Variants in ARHGEF9 observed in about 807,000 individuals in gnomAD.
ARHGEF9 encodes the protein Cdc42 guanine nucleotide exchange factor 9, also known as rho guanine nucleotide exchange factor 9.
In ARHGEF9, 2 loss-of-function variants were observed where a neutral mutation model predicts 41.3. The observed-to-expected ratio is 0.05, with a 90% CI of 0.02 to 0.15. The LOEUF is 0.15. Ranked by LOEUF, ARHGEF9 falls within the 10% of genes least tolerant of loss-of-function variation. The pLI, the probability that ARHGEF9 is intolerant of heterozygous loss-of-function variation, is 1.00. For missense variants in ARHGEF9, 225 were observed against 424.7 expected (o/e 0.53, Z 4.13); for synonymous variants, 160 against 154.4 (o/e 1.04, Z -0.27).
chrX:63,740,851 A>G (rs1423794515), intron 1 of ARHGEF9, among the ~76,000 whole-genome samples: 2 of 111,604 alleles, frequency 1.8e-5, no homozygotes, highest in African/African-American at 3.3e-5. Context: ...GAGGAACTCT[A>G]AAAATAGCAG....
In ARHGEF9 at chrX:63,698,584, C is replaced by A. The variant is rs192799021; in HGVS notation, c.403-1280G>T. On this transcript the variant is annotated intron_variant, in intron 3 of 9. Transcript: ENST00000671741. ...AAGAGTTTTACAGGGACTGATTTAC[C>A]ACATATAGCCCTGTCCCTATCCTCG... Among the ~76,000 whole-genome samples the A allele has an allele frequency of 4.1e-4, 45 of 111,041 alleles. 1 individual carries two copies. The highest frequency in any genetic ancestry group is 1.4e-3 in the African/African-American group (42 of 30,535).
Position 63,785,205 on chromosome X carries a change from G to A in ARHGEF9, c.-60C>T. ...TAGCTGGCGCGAGTTGTCGCGGGCTGACTAGAAGGGCTGGGCTGAAGCAAG... is the reference window on the plus strand; with the variant it reads ...TAGCTGGCGCGAGTTGTCGCGGGCTAACTAGAAGGGCTGGGCTGAAGCAAG... On this transcript the variant is annotated 5_prime_UTR_variant, in exon 1 of 10. Transcript: ENST00000671741. 1 of 1,124,862 alleles carries A rather than the reference G, an allele frequency of 8.9e-7. No homozygotes were observed. Among genetic ancestry groups the A allele is most frequent in the South Asian group, 2.0e-5 (1 of 49,547 alleles). The allele number at this position is 1,124,862 out of a possible 1,213,427, so 92.7% of individuals were successfully genotyped here. A position where few individuals can be genotyped will look rare whatever the true frequency, so the allele number is the denominator to read the frequency against.
intron 3 of ARHGEF9, among the ~76,000 whole-genome samples, chrX:63,705,319 CAG>C (rs1602484773): frequency 9.3e-6 from 1 of 107,501 alleles, no homozygotes; most frequent in African/African-American, 3.4e-5. Flanking sequence ...AGATTCAATG[CAG>C]AGTTTTCCGA....
rs1453134306 is a variant in ARHGEF9 at position 63,636,930 on chromosome X, G to A, written c.*1098C>T. 2 of 295,356 alleles carry A rather than the reference G, an allele frequency of 6.8e-6. No individual in the cohort carries two copies. The highest frequency in any genetic ancestry group is 9.6e-5 in the East Asian group (2 of 20,939). The allele number at this position is 295,356 out of a possible 1,213,427, so 24.3% of individuals were successfully genotyped here. A position where few individuals can be genotyped will look rare whatever the true frequency, so the allele number is the denominator to read the frequency against. On this transcript the variant is annotated 3_prime_UTR_variant, in exon 10 of 10. Coordinates refer to ENST00000671741, the MANE Select transcript of ARHGEF9 (RefSeq NM_001353921.2). ...GCTGCCCAAACATCTGTAAATGGGA[G>A]CAGGGACAACCAGGACACTGAACTG...
chrX:63,671,134 A>G (rs2049932583), intron 6 of ARHGEF9: 1 of 112,549 alleles, frequency 8.9e-6, no homozygotes, highest in Non-Finnish European at 1.9e-5. Context: ...CTGTTTGTTC[A>G]AACATCTGGG....
chrX:63,730,564 A>G (rs1446805197), intron 1 of ARHGEF9, among the ~76,000 whole-genome samples: 1 of 111,972 alleles, frequency 8.9e-6, no homozygotes, highest in Non-Finnish European at 1.9e-5. Context: ...TTGAGTATTG[A>G]TTAGGTAGGT....
chrX:63,778,635 T>C (rs1330158181), intron 1 of ARHGEF9, among the ~76,000 whole-genome samples: 1 of 112,441 alleles, frequency 8.9e-6, no homozygotes, highest in Non-Finnish European at 1.9e-5. Flanking sequence ...AAGCCATATC[T>C]GTGTGAATTA....
intron 2 of ARHGEF9, among the ~76,000 whole-genome samples, chrX:63,711,345 CA>C (rs2052920164): frequency 9.0e-6 from 1 of 111,198 alleles, no homozygotes; most frequent in Non-Finnish European, 1.9e-5. Context: ...CTAGGATAAC[CA>C]AAACAATTTT....
chrX:63,746,943 G>T (rs1348870428), intron 1 of ARHGEF9, among the ~76,000 whole-genome samples: 1 of 111,738 alleles, frequency 8.9e-6, no homozygotes, highest in Non-Finnish European at 1.9e-5. Flanking sequence ...GGCGGCCAGT[G>T]TGTGCTCAAA....
Position 63,665,966 on chromosome X carries a change from C to A in ARHGEF9, c.997G>T (p.Ala333Ser). 8.3e-7 allele frequency: 1 copy of A among 1,210,287 alleles called. No individual in the cohort carries two copies. Among genetic ancestry groups the A allele is most frequent in the Non-Finnish European group, 1.1e-6 (1 of 895,253 alleles). ...SSELIYTGEM[A>S]WIYQPYGRNQ... The stretch of plus-strand genomic sequence containing the variant: ...CGGCCGTAGGGCTGGTAGATCCAGG[C>A]CATCTCCCCAGTGTAGATCAGCTCC... Residue 333 changes from alanine (A) to serine (S), a missense_variant, in exon 7 of 10, where the codon GCC becomes TCC. Transcript: ENST00000671741.
chrX:63,777,799 C>A (rs782410194), intron 1 of ARHGEF9, among the ~76,000 whole-genome samples: 8 of 112,514 alleles, frequency 7.1e-5, no homozygotes, highest in Non-Finnish European at 1.5e-4. Context: ...TCTTTGACGC[C>A]ATGTCTCACA....
intron 1 of ARHGEF9, chrX:63,767,069 C>T (rs2056125208): frequency 3.0e-6 from 3 of 995,420 alleles, no homozygotes; most frequent in South Asian, 1.9e-5. Flanking sequence ...GAACAGTGAT[C>T]CACTTTAACA....
chrX:63,652,898 A>C (rs1602239661), intron 8 of ARHGEF9, among the ~76,000 whole-genome samples: 1 of 110,638 alleles, frequency 9.0e-6, no homozygotes, highest in East Asian at 2.9e-4. Context: ...GTTTAAAAGT[A>C]TGTGGCACTT....
At chrX:63,702,163 C>A (rs1602470542) in intron 3 of ARHGEF9, among the ~76,000 whole-genome samples, 1 of 112,419 alleles carries the variant, frequency 8.9e-6, no homozygotes, top group East Asian at 2.8e-4. Context: ...AAAGCTAGGC[C>A]AGCTTCTCTG....
chrX:63,666,162 G>T, intron 6 of ARHGEF9, 145 bp from the exon 7 acceptor site: 1 of 803,819 alleles, frequency 1.2e-6, no homozygotes, highest in Non-Finnish European at 1.8e-6. Context: ...AGGGACTCCT[G>T]GGACTCCTCA....
At chrX:63,685,976 A>G (rs182664485) in intron 4 of ARHGEF9, among the ~76,000 whole-genome samples, 15 of 112,065 alleles carry the variant, frequency 1.3e-4, no homozygotes, top group Non-Finnish European at 1.9e-4. Context: ...TCTTAAAACT[A>G]AAAATCGAAT....
intron 1 of ARHGEF9, among the ~76,000 whole-genome samples, chrX:63,762,592 G>A (rs1556450133): frequency 1.8e-5 from 2 of 111,255 alleles, no homozygotes; most frequent in Non-Finnish European, 3.8e-5. Flanking sequence ...ATTCATGAGG[G>A]CCTAGCTAAG....
chrX:63,778,438 C>T (rs1556460148), intron 1 of ARHGEF9, among the ~76,000 whole-genome samples: 1 of 112,215 alleles, frequency 8.9e-6, no homozygotes, highest in African/African-American at 3.2e-5. Context: ...CTCTGACATG[C>T]CCTGAAGACA....
At chrX:63,726,113 A>T (rs1223791339) in intron 1 of ARHGEF9, among the ~76,000 whole-genome samples, 2 of 112,294 alleles carry the variant, frequency 1.8e-5, no homozygotes, top group African/African-American at 6.5e-5. Flanking sequence ...GTCCTGCCAG[A>T]TGCATCTGTC....
Sources: gnomAD v4.1 joint callset for allele counts (sites outside exome capture counted in the v4.1 genomes callset) on GRCh38, gnomAD v4.1.1 for gene constraint, MANE v1.5 for transcripts, NCBI Gene and HGNC (gene_info 2026-07-23, HGNC 2026-07-21) for gene names.